Variants in MYRIP observed in about 807,000 individuals in gnomAD.
MYRIP encodes the protein myosin VIIA and Rab interacting protein.
Under a neutral mutation model 98.0 loss-of-function variants are expected in MYRIP, and 49 were observed. The observed-to-expected ratio is 0.50, with a 90% confidence interval of 0.40 to 0.63. MYRIP has a LOEUF of 0.63. Among genes scored for constraint, MYRIP ranks in the 30% least tolerant of loss-of-function variants. The pLI, the probability that MYRIP is intolerant of heterozygous loss-of-function variation, is 0.00. For missense variants in MYRIP, 1,004 were observed against 1,058.2 expected (o/e 0.95, Z 0.71); for synonymous variants, 404 against 409.5 (o/e 0.99, Z 0.16).
intron 2 of MYRIP, among the ~76,000 whole-genome samples, chr3:39,904,857 A>G (rs1943839036): frequency 6.6e-6 from 1 of 152,174 alleles, no homozygotes. Context: ...GATGTGATGC[A>G]TTGAATTTTT....
At chr3:40,174,291 T>C (rs1002730233) in intron 8 of MYRIP, 1 of 152,230 alleles carries the variant, frequency 6.6e-6, no homozygotes, top group Non-Finnish European at 1.5e-5. Context: ...TCTTAGACAT[T>C]TGATCAAGGA....
At chr3:40,055,496 G>GA (rs1209340447) in intron 3 of MYRIP, among the ~76,000 whole-genome samples, 13 of 152,070 alleles carry the variant, frequency 8.5e-5, no homozygotes, top group Non-Finnish European at 1.8e-4. Context: ...GGCAACAGTT[G>GA]AACAGCTTGT....
At chr3:40,190,632 T>C (rs983161480) in intron 10 of MYRIP, among the ~76,000 whole-genome samples, 169 bp downstream of exon 10, 1 of 152,090 alleles carries the variant, frequency 6.6e-6, no homozygotes, top group African/African-American at 2.4e-5. Flanking sequence ...CATCAACTCT[T>C]TGGGACTCCA....
chr3:39,950,806 A>G (rs1426533554), intron 2 of MYRIP, among the ~76,000 whole-genome samples: 2 of 152,196 alleles, frequency 1.3e-5, no homozygotes, highest in Admixed American at 1.3e-4. Flanking sequence ...TTTGTCATTC[A>G]TTTTCACTTA....
chr3:39,907,119 T>G (rs1943898132), intron 2 of MYRIP, among the ~76,000 whole-genome samples: 1 of 152,170 alleles, frequency 6.6e-6, no homozygotes, highest in Non-Finnish European at 1.5e-5. Context: ...TGCTTGGGTG[T>G]TGGGCATTTG....
intron 1 of MYRIP, among the ~76,000 whole-genome samples, chr3:39,843,576 A>G (rs552906869): frequency 2.0e-5 from 3 of 152,322 alleles, no homozygotes; most frequent in African/African-American, 7.2e-5. Context: ...GGTGAGACTA[A>G]TGCATTCCAT....
At chr3:39,867,400 T>C (rs1942657188) in intron 1 of MYRIP, among the ~76,000 whole-genome samples, 1 of 152,086 alleles carries the variant, frequency 6.6e-6, no homozygotes, top group African/African-American at 2.4e-5. Flanking sequence ...TAGGAGAAAA[T>C]ATTTGCAAAC....
intron 1 of MYRIP, among the ~76,000 whole-genome samples, chr3:39,864,326 T>C (rs1232450879): frequency 1.3e-5 from 2 of 151,270 alleles, no homozygotes; most frequent in South Asian, 4.2e-4. Flanking sequence ...GGAAAAAAAA[T>C]ACATCAAATA....
intron 4 of MYRIP, among the ~76,000 whole-genome samples, chr3:40,155,318 A>T (rs1164145658): frequency 6.6e-6 from 1 of 151,590 alleles, no homozygotes; most frequent in East Asian, 1.9e-4. Context: ...AAAGGACATG[A>T]ACTCATCATT....
At chr3:40,167,989 T>C (rs2125595566) in intron 7 of MYRIP, among the ~76,000 whole-genome samples, 1 of 152,302 alleles carries the variant, frequency 6.6e-6, no homozygotes, top group East Asian at 1.9e-4. Context: ...TCAGAGTTTT[T>C]AGCCAGGTTT....
At chr3:39,860,982 TC>T (rs1427690989) in intron 1 of MYRIP, among the ~76,000 whole-genome samples, 1 of 152,232 alleles carries the variant, frequency 6.6e-6, no homozygotes, top group Non-Finnish European at 1.5e-5. Flanking sequence ...ATGCCCTGTC[TC>T]AGCCAACAAG....
At chr3:40,141,855 G>T (rs978017986) in intron 3 of MYRIP, among the ~76,000 whole-genome samples, 3 of 152,104 alleles carry the variant, frequency 2.0e-5, no homozygotes, top group Non-Finnish European at 2.9e-5. Flanking sequence ...CAGCTTCGTG[G>T]TGTATTTTGA....
chr3:39,932,326 A>T (rs561796303), intron 2 of MYRIP, among the ~76,000 whole-genome samples: 46 of 152,188 alleles, frequency 3.0e-4, no homozygotes, highest in Non-Finnish European at 6.0e-4. Context: ...CAAAGTGGAA[A>T]CTGCTCACTC....
chr3:40,165,613 GAGA>G (rs1326884051), intron 5 of MYRIP, among the ~76,000 whole-genome samples: 1 of 152,096 alleles, frequency 6.6e-6, no homozygotes, highest in Non-Finnish European at 1.5e-5. Context: ...GGAAAACTAA[GAGA>G]AGGATGATAG....
chr3:40,143,020 C>A (rs1949938940), intron 3 of MYRIP, among the ~76,000 whole-genome samples: 1 of 152,214 alleles, frequency 6.6e-6, no homozygotes, highest in South Asian at 2.1e-4. Flanking sequence ...CTGTGGGACA[C>A]AGGCAGTCCA....
At chr3:39,820,987 G>C (rs1260213971) in intron 1 of MYRIP, among the ~76,000 whole-genome samples, 1 of 151,992 alleles carries the variant, frequency 6.6e-6, no homozygotes, top group Non-Finnish European at 1.5e-5. Context: ...TGGTGGATGG[G>C]GATGCAATGC....
chr3:40,074,527 TATAAA>T (rs1362758461), intron 3 of MYRIP, among the ~76,000 whole-genome samples: 1 of 152,034 alleles, frequency 6.6e-6, no homozygotes, highest in Non-Finnish European at 1.5e-5. Flanking sequence ...ATGTTACTAA[TATAAA>T]AGAAGAACGA....
chr3:40,065,778 T>C (rs1310218312), intron 3 of MYRIP, among the ~76,000 whole-genome samples: 2 of 152,164 alleles, frequency 1.3e-5, no homozygotes, highest in African/African-American at 4.8e-5. Context: ...AATGCATGGA[T>C]GAACCTCATT....
At chr3:40,180,603 A>C (rs1355172222) in intron 8 of MYRIP, among the ~76,000 whole-genome samples, 8 of 152,226 alleles carry the variant, frequency 5.3e-5, no homozygotes, top group Admixed American at 5.2e-4. Flanking sequence ...GGAACTGATA[A>C]GGCAAGGAGA....
Sources: gnomAD v4.1 joint callset for allele counts (sites outside exome capture counted in the v4.1 genomes callset) on GRCh38, gnomAD v4.1.1 for gene constraint, MANE v1.5 for transcripts, NCBI Gene and HGNC (gene_info 2026-07-23, HGNC 2026-07-21) for gene names.